Variants in DIAPH3 observed in about 807,000 individuals in gnomAD.
DIAPH3 encodes the protein diaphanous related formin 3.
Under a neutral mutation model 144.3 loss-of-function variants are expected in DIAPH3, and 117 were observed. That is an observed-to-expected ratio of 0.81 (90% confidence interval 0.70 to 0.95). The LOEUF is 0.95. Among genes scored for constraint, DIAPH3 ranks in the 40% least tolerant of loss-of-function variants. The pLI, the probability that DIAPH3 is intolerant of heterozygous loss-of-function variation, is 0.00. For synonymous variants in DIAPH3, 519 were observed against 488.9 expected (o/e 1.06, Z -0.81); for missense variants, 1,421 against 1,412.7 (o/e 1.01, Z -0.09).
chr13:59,671,710 T>A (rs1159637115), intron 27 of DIAPH3, among the ~76,000 whole-genome samples: 2 of 152,220 alleles, frequency 1.3e-5, no homozygotes, highest in Non-Finnish European at 2.9e-5. Context: ...TATTTTCCTT[T>A]AAGATAGGAA....
chr13:60,162,809 TCACACACACACA>T (rs35687460), intron 1 of DIAPH3, among the ~76,000 whole-genome samples: 12 of 122,518 alleles, frequency 9.8e-5, no homozygotes, highest in Middle Eastern at 3.9e-3. Flanking sequence ...TCTCTCTCTC[TCACACACACACA>T]CACACACACA....
rs994300102 is a variant in DIAPH3 at position 59,974,432 on chromosome 13, G to C, written c.1570C>G (p.Gln524Glu). 1 of 1,611,346 alleles carries C rather than the reference G, an allele frequency of 6.2e-7. No homozygotes were observed. The highest frequency in any genetic ancestry group is 8.5e-7 in the Non-Finnish European group (1 of 1,179,382). The change falls in exon 15 of 28, where the codon CAA becomes GAA. Residue 524 changes from glutamine (Q) to glutamate (E), a missense_variant. Coordinates refer to ENST00000400324, the MANE Select transcript of DIAPH3 (RefSeq NM_001042517.2). ...TTCTGCAATTCAGCCTGAGTTTCTTGGTGGTCGGTAAACTCTTTTTCAAAC... is the reference window on the plus strand; with the variant it reads ...TTCTGCAATTCAGCCTGAGTTTCTTCGTGGTCGGTAAACTCTTTTTCAAAC... ...KKFEKEFTDH[Q>E]ETQAELQKKE...
At chr13:59,708,987 A>G (rs1453432285) in intron 27 of DIAPH3, among the ~76,000 whole-genome samples, 1 of 152,196 alleles carries the variant, frequency 6.6e-6, no homozygotes, top group Non-Finnish European at 1.5e-5. Context: ...AAGAAACTTA[A>G]AAATCACCTG....
chr13:59,985,806 G>A (rs953968673), intron 12 of DIAPH3, among the ~76,000 whole-genome samples: 1 of 96,582 alleles, frequency 1.0e-5, no homozygotes, highest in Non-Finnish European at 2.1e-5. Flanking sequence ...ACAAACCACT[G>A]CTCAAGGAAA....
At chr13:59,735,639 C>T (rs996697764) in intron 27 of DIAPH3, among the ~76,000 whole-genome samples, 2 of 152,070 alleles carry the variant, frequency 1.3e-5, no homozygotes, top group East Asian at 3.8e-4. Context: ...GCTTTACAGA[C>T]ATGATTTCAT....
chr13:60,070,282 A>ATTTTTTTTTTTTTTTTTTTTT (rs61432510), intron 4 of DIAPH3, among the ~76,000 whole-genome samples: 1 of 132,548 alleles, frequency 7.5e-6, no homozygotes. Context: ...TTTCTGTTGG[A>ATTTTTTTTTTTTTTTTTTTTT]TTTTTTTTTT....
intron 4 of DIAPH3, among the ~76,000 whole-genome samples, chr13:60,083,841 T>C (rs1162403462): frequency 1.3e-5 from 2 of 151,762 alleles, no homozygotes; most frequent in Non-Finnish European, 2.9e-5. Flanking sequence ...GAGTTCAGTA[T>C]TACAGTAAGC....
chr13:60,138,051 T>C (rs1199310491), intron 1 of DIAPH3, among the ~76,000 whole-genome samples: 1 of 152,152 alleles, frequency 6.6e-6, no homozygotes, highest in Non-Finnish European at 1.5e-5. Context: ...AAGTGGGTTA[T>C]GAGGGATTAC....
At chr13:59,683,596 A>C (rs955022585) in intron 27 of DIAPH3, among the ~76,000 whole-genome samples, 16 of 152,194 alleles carry the variant, frequency 1.1e-4, no homozygotes, top group Non-Finnish European at 1.9e-4. Flanking sequence ...GCAGGCATGA[A>C]GTGATAAAAT....
chr13:59,744,805 A>T (rs2036625505), intron 27 of DIAPH3, among the ~76,000 whole-genome samples: 1 of 152,194 alleles, frequency 6.6e-6, no homozygotes. Context: ...GTGCACCTGG[A>T]CAAAGCAGAA....
chr13:59,686,618 C>A (rs936318860), intron 27 of DIAPH3, among the ~76,000 whole-genome samples: 4 of 151,858 alleles, frequency 2.6e-5, no homozygotes, highest in Admixed American at 6.6e-5. Flanking sequence ...TTTTAACATA[C>A]TTATGTTTTA....
intron 4 of DIAPH3, among the ~76,000 whole-genome samples, chr13:60,053,941 A>G (rs2056459978): frequency 6.6e-6 from 1 of 152,136 alleles, no homozygotes; most frequent in African/African-American, 2.4e-5. Flanking sequence ...GACCTTCTTT[A>G]TCTGCCTAAT....
chr13:59,693,657 A>T (rs1328572227), intron 27 of DIAPH3, among the ~76,000 whole-genome samples: 2 of 152,186 alleles, frequency 1.3e-5, no homozygotes, highest in Non-Finnish European at 2.9e-5. Flanking sequence ...TTCATGAAGC[A>T]CGTGATGGGA....
intron 27 of DIAPH3, among the ~76,000 whole-genome samples, chr13:59,673,094 C>T (rs1489879517): frequency 1.3e-5 from 2 of 152,174 alleles, no homozygotes; most frequent in Non-Finnish European, 2.9e-5. Flanking sequence ...TACAAGGAAG[C>T]TCAAGATGAC....
chr13:59,784,363 G>A (rs1001263018), intron 25 of DIAPH3, among the ~76,000 whole-genome samples: 2 of 143,394 alleles, frequency 1.4e-5, no homozygotes, highest in African/African-American at 5.2e-5. Context: ...TTACAGGTGT[G>A]AGCCACTATG....
chr13:59,730,057 A>T (rs2138973527), intron 27 of DIAPH3, among the ~76,000 whole-genome samples: 1 of 152,222 alleles, frequency 6.6e-6, no homozygotes, highest in East Asian at 1.9e-4. Context: ...AAGCTATTAC[A>T]GTATTTGGTT....
At chr13:59,872,458 C>T (rs1362980322) in intron 21 of DIAPH3, among the ~76,000 whole-genome samples, 2 of 152,142 alleles carry the variant, frequency 1.3e-5, no homozygotes, top group Middle Eastern at 3.2e-3. Context: ...CCTCCCAATG[C>T]TGGAACCATA....
chr13:59,964,389 C>A (rs1034408467), intron 17 of DIAPH3, among the ~76,000 whole-genome samples: 1 of 151,960 alleles, frequency 6.6e-6, no homozygotes, highest in African/African-American at 2.4e-5. Context: ...TACACATACA[C>A]CCTAGTTTCC....
At chr13:59,861,944 T>C (rs1401422048) in intron 21 of DIAPH3, among the ~76,000 whole-genome samples, 2 of 152,188 alleles carry the variant, frequency 1.3e-5, no homozygotes, top group African/African-American at 4.8e-5. Flanking sequence ...AAACATAGAC[T>C]TTCCTCAAGA....
Sources: gnomAD v4.1 joint callset for allele counts (sites outside exome capture counted in the v4.1 genomes callset) on GRCh38, gnomAD v4.1.1 for gene constraint, MANE v1.5 for transcripts, NCBI Gene and HGNC (gene_info 2026-07-23, HGNC 2026-07-21) for gene names.